The following KLHL32 variants were observed in gnomAD, a reference collection of about 807,000 sequenced individuals.
The protein encoded by KLHL32 is kelch-like protein 32.
KLHL32 carries 35 observed loss-of-function variants against 64.8 expected under a neutral mutation model. The observed-to-expected ratio is 0.54, with a 90% CI of 0.41 to 0.72. The LOEUF is 0.72. KLHL32 is among the 30% of genes least tolerant of loss of function. The pLI, the probability that KLHL32 is intolerant of heterozygous loss-of-function variation, is 0.00. For missense variants in KLHL32, 589 were observed against 768.5 expected (o/e 0.77, Z 2.76); for synonymous variants, 259 against 281.0 (o/e 0.92, Z 0.78).
intron 2 of KLHL32, among the ~76,000 whole-genome samples, chr6:96,970,128 G>C (rs770775188): frequency 7.2e-5 from 11 of 152,186 alleles, no homozygotes; most frequent in Non-Finnish European, 1.6e-4. Flanking sequence ...TCATCTGAGT[G>C]CTCCTTGGGC....
intron 4 of KLHL32, among the ~76,000 whole-genome samples, chr6:97,051,397 C>A (rs1202099423): frequency 1.3e-5 from 2 of 152,116 alleles, no homozygotes; most frequent in East Asian, 3.8e-4. Flanking sequence ...ATAGGTGGGG[C>A]AATAAACAGT....
intron 3 of KLHL32, among the ~76,000 whole-genome samples, chr6:97,039,677 A>G (rs1370820234): frequency 1.6e-5 from 2 of 128,108 alleles, no homozygotes; most frequent in Non-Finnish European, 3.3e-5. Context: ...AAAATTAGCC[A>G]GGAGTGGTGG....
At chr6:97,067,944 C>T (rs1387550827) in intron 5 of KLHL32, among the ~76,000 whole-genome samples, 5 of 151,996 alleles carry the variant, frequency 3.3e-5, no homozygotes, top group South Asian at 2.1e-4. Flanking sequence ...TCCTCAGTGG[C>T]GGGCAGAGCC....
At chr6:96,934,947 T>C (rs187851206) in intron 1 of KLHL32, among the ~76,000 whole-genome samples, 1 of 152,314 alleles carries the variant, frequency 6.6e-6, no homozygotes, top group Non-Finnish European at 1.5e-5. Context: ...AAATTGTAGC[T>C]TGATCTTTAT....
chr6:96,911,410 AC>A, the KLHL32 span, among the ~76,000 whole-genome samples: 1 of 152,138 alleles, frequency 6.6e-6, no homozygotes, highest in Admixed American at 6.6e-5. Context: ...CATGGTTCTC[AC>A]TGGTTTTAGC....
At chr6:97,009,122 T>C (rs1780041164) in intron 3 of KLHL32, among the ~76,000 whole-genome samples, 1 of 151,558 alleles carries the variant, frequency 6.6e-6, no homozygotes, top group Admixed American at 6.6e-5. Flanking sequence ...AGAAATTAAA[T>C]AAGATAAATG....
At chr6:97,093,448 C>T (rs192572260) in intron 6 of KLHL32, among the ~76,000 whole-genome samples, 60 of 152,298 alleles carry the variant, frequency 3.9e-4, no homozygotes, top group Middle Eastern at 3.4e-3. Flanking sequence ...GTATAGATTT[C>T]AATGGAGGTC....
chr6:97,055,865 C>A (rs1475569798), intron 4 of KLHL32, among the ~76,000 whole-genome samples: 1 of 144,104 alleles, frequency 6.9e-6, no homozygotes, highest in South Asian at 2.3e-4. Flanking sequence ...CCACTTATTT[C>A]TCTGACTCTT....
In KLHL32 at chr6:97,092,940, C is replaced by T. The variant is rs1031967341; in HGVS notation, c.627+7599C>T. Among the ~76,000 whole-genome samples the T allele has an allele frequency of 3.9e-5, 6 of 152,226 alleles. No individual in the cohort carries two copies. In the East Asian group the frequency reaches 1.2e-3, roughly 29 times the overall value. On this transcript the variant is annotated intron_variant, in intron 6 of 10. Transcript: ENST00000369261. ...ACTTGTATTCATGTGCTGCTGTTCTCATGAGTTAATAGTTTTTTTTCTTTC... is the reference window on the plus strand; with the variant it reads ...ACTTGTATTCATGTGCTGCTGTTCTTATGAGTTAATAGTTTTTTTTCTTTC...
At chr6:96,918,822 G>A in the KLHL32 span, among the ~76,000 whole-genome samples, 1 of 152,214 alleles carries the variant, frequency 6.6e-6, no homozygotes, top group East Asian at 1.9e-4. Context: ...TTTTGAAGCA[G>A]TAATGGGGCA....
At chr6:96,953,849 G>A (rs1042599280) in intron 1 of KLHL32, among the ~76,000 whole-genome samples, 9 of 117,354 alleles carry the variant, frequency 7.7e-5, no homozygotes, top group African/African-American at 2.5e-4. Context: ...TTCATTAATA[G>A]TTGTCTTTTT....
chr6:97,007,156 T>C (rs974910107), intron 3 of KLHL32, among the ~76,000 whole-genome samples: 2 of 152,200 alleles, frequency 1.3e-5, no homozygotes, highest in African/African-American at 4.8e-5. Context: ...TCTCTTTACA[T>C]TATCCCATAT....
chr6:96,904,755 T>C, the KLHL32 span, among the ~76,000 whole-genome samples: 8 of 152,200 alleles, frequency 5.3e-5, no homozygotes, highest in Non-Finnish European at 8.8e-5. Flanking sequence ...TATAAAACTT[T>C]ATGGTATGGT....
intron 4 of KLHL32, among the ~76,000 whole-genome samples, 194 bp downstream of exon 4, chr6:97,041,793 T>A (rs923102334): frequency 2.6e-5 from 4 of 152,236 alleles, no homozygotes; most frequent in Non-Finnish European, 5.9e-5. Context: ...TTTAATATGA[T>A]CCAGTGAACA....
At chr6:97,091,838 T>C (rs1203931955) in intron 6 of KLHL32, among the ~76,000 whole-genome samples, 1 of 152,192 alleles carries the variant, frequency 6.6e-6, no homozygotes, top group Non-Finnish European at 1.5e-5. Context: ...AAACATTTAA[T>C]CAAAAAATTC....
intron 4 of KLHL32, among the ~76,000 whole-genome samples, chr6:97,048,831 C>A (rs1221199171): frequency 6.6e-6 from 1 of 152,150 alleles, no homozygotes. Context: ...ATAAATATAA[C>A]CCAATTGAGC....
At chr6:96,932,573 C>CT (rs1562168725) in intron 1 of KLHL32, among the ~76,000 whole-genome samples, 1 of 137,068 alleles carries the variant, frequency 7.3e-6, no homozygotes, top group African/African-American at 2.6e-5. Context: ...TTCCCCCCCC[C>CT]CCTTTTTTTT....
At chr6:96,995,398 A>G (rs1778307123) in intron 3 of KLHL32, among the ~76,000 whole-genome samples, 1 of 152,134 alleles carries the variant, frequency 6.6e-6, no homozygotes, top group Non-Finnish European at 1.5e-5. Flanking sequence ...AGAGCATTCC[A>G]GTAGCCATTT....
chr6:97,093,133 G>A (rs919534705), intron 6 of KLHL32, among the ~76,000 whole-genome samples: 11 of 150,104 alleles, frequency 7.3e-5, no homozygotes, highest in Admixed American at 5.4e-4. Context: ...TATTACTTAC[G>A]CATTGGTGCC....
Sources: allele counts gnomAD v4.1 joint callset (sites outside exome capture counted in the v4.1 genomes callset), GRCh38; gene constraint gnomAD v4.1.1; transcripts MANE v1.5; gene names NCBI Gene and HGNC (gene_info 2026-07-23, HGNC 2026-07-21).